Variants in SYNDIG1 observed in about 807,000 individuals in gnomAD.
SYNDIG1 encodes the protein synapse differentiation inducing 1.
In SYNDIG1, 9 loss-of-function variants were observed where a neutral mutation model predicts 19.4. The observed-to-expected ratio is 0.46, with a 90% CI of 0.28 to 0.81. SYNDIG1 has a LOEUF of 0.81. Ranked by LOEUF, SYNDIG1 falls within the 30% of genes least tolerant of loss-of-function variation. SYNDIG1 has a pLI of 0.12. For missense variants in SYNDIG1, 311 were observed against 343.3 expected, an observed-to-expected ratio of 0.91 and a Z score of 0.74; for synonymous variants, 141 against 145.9, an observed-to-expected ratio of 0.97 and a Z score of 0.24.
chr20:24,501,009 A>G (rs1051487283), intron 1 of SYNDIG1, among the ~76,000 whole-genome samples: 1 of 152,210 alleles, frequency 6.6e-6, no homozygotes, highest in African/African-American at 2.4e-5. Context: ...AAAAAACACA[A>G]GAAATGAAAC....
intron 1 of SYNDIG1, among the ~76,000 whole-genome samples, chr20:24,479,410 T>C (rs1404095142): frequency 1.3e-5 from 2 of 152,150 alleles, no homozygotes; most frequent in Admixed American, 6.5e-5. Context: ...GCCCTAGATA[T>C]TTTCCTGTCC....
intron 3 of SYNDIG1, among the ~76,000 whole-genome samples, chr20:24,625,715 G>T (rs1256332887): frequency 6.6e-6 from 1 of 151,964 alleles, no homozygotes; most frequent in Admixed American, 6.6e-5. Flanking sequence ...CAAGGCAGAA[G>T]AATTTTTCTT....
chr20:24,661,832 C>T (rs1288621641), intron 3 of SYNDIG1, among the ~76,000 whole-genome samples: 2 of 152,108 alleles, frequency 1.3e-5, no homozygotes, highest in Non-Finnish European at 2.9e-5. Flanking sequence ...ACCTCTCTGC[C>T]ACCTTCACAA....
chr20:24,590,899 C>T (rs544318079), intron 3 of SYNDIG1, among the ~76,000 whole-genome samples: 1 of 152,220 alleles, frequency 6.6e-6, no homozygotes, highest in Non-Finnish European at 1.5e-5. Flanking sequence ...CACCGAGGAG[C>T]GGACTCCAGA....
intron 3 of SYNDIG1, among the ~76,000 whole-genome samples, chr20:24,596,394 T>A (rs1399891098): frequency 6.6e-6 from 1 of 152,156 alleles, no homozygotes; most frequent in African/African-American, 2.4e-5. Context: ...TTTTTTTTCT[T>A]TTGAGATGGA....
intron 1 of SYNDIG1, among the ~76,000 whole-genome samples, chr20:24,490,411 T>G (rs2056112785): frequency 6.6e-6 from 1 of 152,068 alleles, no homozygotes; most frequent in African/African-American, 2.4e-5. Context: ...GGAAACCAAG[T>G]CACAGTCCTC....
chr20:24,643,497 C>T (rs2059398404), intron 3 of SYNDIG1, among the ~76,000 whole-genome samples: 1 of 151,992 alleles, frequency 6.6e-6, no homozygotes. Context: ...TGAGAAGTAA[C>T]TTTATCAGCT....
chr20:24,628,435 G>T (rs972656558), intron 3 of SYNDIG1, among the ~76,000 whole-genome samples: 2 of 152,196 alleles, frequency 1.3e-5, no homozygotes, highest in Admixed American at 6.5e-5. Context: ...ACCATCAACT[G>T]AGGTGGCCTC....
At chr20:24,577,872 G>A (rs1568656269) in intron 2 of SYNDIG1, among the ~76,000 whole-genome samples, 1 of 152,224 alleles carries the variant, frequency 6.6e-6, no homozygotes, top group Non-Finnish European at 1.5e-5. Context: ...GTGAAGAGAG[G>A]ATCAGAGGTC....
At chr20:24,640,098 C>T (rs2059356337) in intron 3 of SYNDIG1, among the ~76,000 whole-genome samples, 1 of 152,070 alleles carries the variant, frequency 6.6e-6, no homozygotes, top group Non-Finnish European at 1.5e-5. Flanking sequence ...CTTTGGAAGG[C>T]CAAGGTGGGC....
chr20:24,553,463 A>C (rs1271258924), intron 2 of SYNDIG1, among the ~76,000 whole-genome samples: 1 of 152,184 alleles, frequency 6.6e-6, no homozygotes, highest in Non-Finnish European at 1.5e-5. Flanking sequence ...GTAAGTCCTT[A>C]ATCCATCTTG....
chr20:24,623,143 C>T (rs2059064663), intron 3 of SYNDIG1, among the ~76,000 whole-genome samples: 1 of 149,190 alleles, frequency 6.7e-6, no homozygotes, highest in African/African-American at 2.5e-5. Flanking sequence ...CATGCCCCTG[C>T]ACTCCAGCTT....
intron 3 of SYNDIG1, among the ~76,000 whole-genome samples, chr20:24,662,546 T>A (rs1224447859): frequency 6.6e-6 from 1 of 152,138 alleles, no homozygotes; most frequent in Non-Finnish European, 1.5e-5. Flanking sequence ...TGAGTCCTTG[T>A]GCCCTGGGCT....
At chr20:24,657,830 A>G (rs1250449769) in intron 3 of SYNDIG1, among the ~76,000 whole-genome samples, 2 of 147,218 alleles carry the variant, frequency 1.4e-5, no homozygotes, top group African/African-American at 5.2e-5. Context: ...AATAATGGAA[A>G]TAACCTTTAC....
intron 3 of SYNDIG1, among the ~76,000 whole-genome samples, chr20:24,663,135 A>G (rs1200442885): frequency 2.0e-5 from 3 of 152,132 alleles, no homozygotes; most frequent in African/African-American, 7.2e-5. Context: ...GCCTTGCAGG[A>G]GTGGGCACTG....
chr20:24,585,347 C>T (rs1311353691), intron 3 of SYNDIG1, among the ~76,000 whole-genome samples: 1 of 152,128 alleles, frequency 6.6e-6, no homozygotes, highest in Non-Finnish European at 1.5e-5. Flanking sequence ...GACCCCAGTG[C>T]CGGGAAACAC....
intron 3 of SYNDIG1, among the ~76,000 whole-genome samples, chr20:24,659,620 C>T (rs535770026): frequency 1.8e-4 from 28 of 152,252 alleles, no homozygotes; most frequent in East Asian, 7.7e-4. Context: ...AAAACAGTGA[C>T]GGGTGATGAA....
At chr20:24,656,021 C>A (rs1368053667) in intron 3 of SYNDIG1, among the ~76,000 whole-genome samples, 1 of 152,184 alleles carries the variant, frequency 6.6e-6, no homozygotes, top group Non-Finnish European at 1.5e-5. Flanking sequence ...CCAAAGCAGG[C>A]AAACAGAATC....
chr20:24,650,518 C>CT (rs973746948), intron 3 of SYNDIG1, among the ~76,000 whole-genome samples: 20 of 151,716 alleles, frequency 1.3e-4, no homozygotes, highest in Admixed American at 4.6e-4. Flanking sequence ...CATTTCCATT[C>CT]TTTTTTTTTC....
Sources: gnomAD v4.1 joint callset for allele counts (sites outside exome capture counted in the v4.1 genomes callset) on GRCh38, gnomAD v4.1.1 for gene constraint, MANE v1.5 for transcripts, NCBI Gene and HGNC (gene_info 2026-07-23, HGNC 2026-07-21) for gene names.